Variants in LRMDA observed in about 807,000 individuals in gnomAD.
The protein encoded by LRMDA is leucine rich melanocyte differentiation associated.
LRMDA carries 18 observed loss-of-function variants against 29.8 expected under a neutral mutation model. The observed-to-expected ratio is 0.60, with a 90% CI of 0.42 to 0.90. The LOEUF is 0.90. Ranked by LOEUF, LRMDA falls within the 40% of genes least tolerant of loss-of-function variation. The pLI is 0.00. For synonymous variants in LRMDA, 125 were observed against 109.4 expected (o/e 1.14, Z -0.89); for missense variants, 273 against 273.9 (o/e 1.00, Z 0.02).
At chr10:75,491,530 A>G (rs978313507) in intron 2 of LRMDA, among the ~76,000 whole-genome samples, 4 of 152,086 alleles carry the variant, frequency 2.6e-5, no homozygotes, top group African/African-American at 9.7e-5. Flanking sequence ...AGGGCCAGGG[A>G]GCAGTGCTTG....
chr10:76,188,938 A>G (rs1851196400), intron 5 of LRMDA, among the ~76,000 whole-genome samples: 1 of 97,704 alleles, frequency 1.0e-5, no homozygotes, highest in South Asian at 3.0e-4. Flanking sequence ...TTGCATGTAC[A>G]CACACACACA....
Position 76,558,834 on chromosome 10 carries a change from T to C in LRMDA, c.*1546T>C, listed in dbSNP as rs765214154. 11 of 152,220 alleles carry C rather than the reference T, an allele frequency of 7.2e-5. No homozygotes were observed. The highest frequency in any genetic ancestry group is 1.7e-4 in the African/African-American group (7 of 41,448). 9.4% of individuals were successfully genotyped at this position (152,220 alleles called of 1,614,324 possible). A position where few individuals can be genotyped will look rare whatever the true frequency, so the allele number is the denominator to read the frequency against. On this transcript the variant is annotated 3_prime_UTR_variant, in exon 7 of 7. Coordinates refer to ENST00000611255, the MANE Select transcript of LRMDA (RefSeq NM_001305581.2). ...ATGTATTGAGGCTGGCAGGAGTCCC[T>C]GTTTGAGATTACACAACCTTTGTTA...
intron 2 of LRMDA, among the ~76,000 whole-genome samples, chr10:75,987,573 A>G (rs1213190380): frequency 6.6e-6 from 1 of 152,182 alleles, no homozygotes; most frequent in East Asian, 1.9e-4. Flanking sequence ...TGAATCCTGT[A>G]TTATGGTTAG....
intron 2 of LRMDA, among the ~76,000 whole-genome samples, chr10:75,461,350 GAGGGCTCCTCTTTAATGA>G (rs1844582166): frequency 1.3e-5 from 2 of 152,154 alleles, no homozygotes. Flanking sequence ...TGGGTATAGA[GAGGGCTCCTCTTTAATGA>G]AGGTCTTCTT....
intron 2 of LRMDA, among the ~76,000 whole-genome samples, chr10:75,621,149 G>A (rs1010382213): frequency 1.3e-5 from 2 of 151,722 alleles, no homozygotes; most frequent in Non-Finnish European, 2.9e-5. Context: ...CATCCAGGTT[G>A]CTGCAAATAC....
intron 6 of LRMDA, among the ~76,000 whole-genome samples, chr10:76,463,917 A>ATTTTTTTTTTTTTTTT (rs763472626): frequency 1.9e-4 from 21 of 112,884 alleles, no homozygotes; most frequent in South Asian, 3.0e-4. Context: ...TGCAAAATAA[A>ATTTTTTTTTTTTTTTT]TTTTTTTTTT....
chr10:75,691,155 C>T (rs1387431706), intron 2 of LRMDA, among the ~76,000 whole-genome samples: 7 of 91,112 alleles, frequency 7.7e-5, no homozygotes, highest in East Asian at 3.0e-4. Flanking sequence ...TATCTATATA[C>T]ATAGATATAT....
chr10:76,479,744 A>C (rs1842717260), intron 6 of LRMDA, among the ~76,000 whole-genome samples: 6 of 151,960 alleles, frequency 3.9e-5, no homozygotes, highest in Admixed American at 3.9e-4. Context: ...GTACCTAAAA[A>C]GAGTATGACG....
chr10:75,979,138 C>T (rs888402001), intron 2 of LRMDA, among the ~76,000 whole-genome samples: 4 of 152,068 alleles, frequency 2.6e-5, no homozygotes, highest in East Asian at 1.9e-4. Context: ...ATGAGTAGCC[C>T]GTGAACATTA....
At chr10:76,421,795 T>C (rs1035683128) in intron 6 of LRMDA, among the ~76,000 whole-genome samples, 3 of 152,252 alleles carry the variant, frequency 2.0e-5, no homozygotes, top group Non-Finnish European at 4.4e-5. Flanking sequence ...TATCTCTTAT[T>C]GATTGATGGT....
intron 5 of LRMDA, among the ~76,000 whole-genome samples, chr10:76,153,618 A>G (rs924640638): frequency 2.0e-5 from 3 of 152,236 alleles, no homozygotes; most frequent in African/African-American, 7.2e-5. Flanking sequence ...AAAGGAATGT[A>G]TGCTGTTAGA....
chr10:75,555,823 C>A (rs1840206431), intron 2 of LRMDA, among the ~76,000 whole-genome samples: 1 of 152,042 alleles, frequency 6.6e-6, no homozygotes, highest in Non-Finnish European at 1.5e-5. Flanking sequence ...TGCCCAAGGA[C>A]ATAAAGGGAA....
intron 2 of LRMDA, among the ~76,000 whole-genome samples, chr10:76,029,494 G>A (rs1196876932): frequency 2.0e-5 from 3 of 152,090 alleles, no homozygotes; most frequent in Admixed American, 6.5e-5. Flanking sequence ...CATTATTCAC[G>A]TTGTCCTACA....
At chr10:76,546,249 G>A (rs550060477) in intron 6 of LRMDA, among the ~76,000 whole-genome samples, 4 of 152,024 alleles carry the variant, frequency 2.6e-5, no homozygotes, top group Non-Finnish European at 5.9e-5. Flanking sequence ...CGATTTTTTG[G>A]AGCTCATATG....
intron 2 of LRMDA, among the ~76,000 whole-genome samples, chr10:75,979,983 CTCTT>C (rs1031501619): frequency 1.6e-4 from 25 of 152,180 alleles, no homozygotes; most frequent in African/African-American, 6.0e-4. Flanking sequence ...ACTTTTCTCT[CTCTT>C]TCTTCTTTTA....
intron 2 of LRMDA, among the ~76,000 whole-genome samples, chr10:75,928,029 A>C (rs983024650): frequency 6.7e-6 from 1 of 148,580 alleles, no homozygotes; most frequent in African/African-American, 2.5e-5. Flanking sequence ...ACCACTCAGT[A>C]AGTTTTAGTT....
At chr10:76,136,299 G>T (rs531795650) in intron 5 of LRMDA, among the ~76,000 whole-genome samples, 33 of 152,234 alleles carry the variant, frequency 2.2e-4, no homozygotes, top group African/African-American at 7.7e-4. Flanking sequence ...TTTGTGAATG[G>T]CACTTTAGAG....
intron 2 of LRMDA, among the ~76,000 whole-genome samples, chr10:75,796,812 G>A (rs1002440581): frequency 1.3e-4 from 20 of 152,180 alleles, no homozygotes; most frequent in Admixed American, 1.0e-3. Context: ...TGATCCACCC[G>A]CCTTGGCCTC....
intron 5 of LRMDA, among the ~76,000 whole-genome samples, chr10:76,246,749 A>G (rs1852385410): frequency 6.6e-6 from 1 of 152,164 alleles, no homozygotes; most frequent in Non-Finnish European, 1.5e-5. Flanking sequence ...TGGGATTGAA[A>G]CAAGATGGCT....
Sources: gnomAD v4.1 joint callset for allele counts (sites outside exome capture counted in the v4.1 genomes callset) on GRCh38, gnomAD v4.1.1 for gene constraint, MANE v1.5 for transcripts, NCBI Gene and HGNC (gene_info 2026-07-23, HGNC 2026-07-21) for gene names.